TGFBRAP1: variants seen among roughly 807,000 people sequenced by gnomAD.
The protein encoded by TGFBRAP1 is transforming growth factor beta receptor associated protein 1, also known as transforming growth factor-beta receptor-associated protein 1.
A neutral mutation model predicts 83.2 loss-of-function variants in TGFBRAP1; 20 were observed. That is an observed-to-expected ratio of 0.24 (90% CI 0.17 to 0.35). The LOEUF (loss-of-function observed/expected upper bound fraction) is 0.35. Ranked by LOEUF, TGFBRAP1 falls within the 10% of genes least tolerant of loss-of-function variation. The probability of loss-of-function intolerance (pLI) is 1.00; values close to 1 mark genes in which losing one functional copy is unlikely to be tolerated. For synonymous variants in TGFBRAP1, 415 were observed against 459.8 expected, an observed-to-expected ratio of 0.90 and a Z score of 1.25; for missense variants, 950 against 1,099.4, an observed-to-expected ratio of 0.86 and a Z score of 1.92.
the TGFBRAP1 span, among the ~76,000 whole-genome samples, chr2:105,253,927 C>T: frequency 1.5e-4 from 23 of 152,012 alleles, no homozygotes; most frequent in African/African-American, 5.6e-4. Context: ...AACTTTGTGG[C>T]CCGGTTTTTA....
intron 2 of TGFBRAP1, among the ~76,000 whole-genome samples, chr2:105,299,951 C>T (rs978257630): frequency 6.6e-6 from 1 of 152,170 alleles, no homozygotes; most frequent in Admixed American, 6.5e-5. Context: ...GTGATAAAGT[C>T]TATTGTTTCT....
chr2:105,284,914 C>G (rs902756315), intron 4 of TGFBRAP1, among the ~76,000 whole-genome samples: 2 of 152,228 alleles, frequency 1.3e-5, no homozygotes, highest in Non-Finnish European at 2.9e-5. Flanking sequence ...ACATCCGACA[C>G]TCCTGCAATA....
At chr2:105,286,403 A>G (rs964383598) in intron 4 of TGFBRAP1, among the ~76,000 whole-genome samples, 3 of 152,150 alleles carry the variant, frequency 2.0e-5, no homozygotes, top group African/African-American at 7.2e-5. Context: ...ACTACGATCA[A>G]TGCCTCCTCC....
rs199795246 is a variant in TGFBRAP1, at chr2:105,308,118, T to G, written c.184A>C (p.Thr62Pro). Residue 62 changes from threonine to proline, a missense_variant, in exon 2 of 12, where the codon ACG becomes CCG. Coordinates refer to ENST00000393359, the MANE Select transcript of TGFBRAP1 (RefSeq NM_004257.6). ...TGCAGCTGTTTGGTGGCAGTGAACG[T>G]GGCTGGCCCAGCAGGCACTGGCCTC... ...EERPVPAGPA[T>P]FTATKQLQRH... The G allele has an allele frequency of 1.3e-4, 212 of 1,614,058 alleles. No homozygotes were observed. The highest frequency in any genetic ancestry group is 1.6e-4 in the Non-Finnish European group (189 of 1,180,036).
chr2:105,327,504 A>T (rs1679257365), intron 1 of TGFBRAP1, among the ~76,000 whole-genome samples: 1 of 152,104 alleles, frequency 6.6e-6, no homozygotes, highest in South Asian at 2.1e-4. Context: ...GGAGATCAAG[A>T]CTGCAGTGAG....
At chr2:105,285,048 C>T (rs1026018832) in intron 4 of TGFBRAP1, among the ~76,000 whole-genome samples, 2 of 152,206 alleles carry the variant, frequency 1.3e-5, no homozygotes, top group African/African-American at 2.4e-5. Flanking sequence ...TCTGATCCCA[C>T]GCCCCACTCC....
At chr2:105,250,778 C>T in the TGFBRAP1 span, among the ~76,000 whole-genome samples, 9 of 152,122 alleles carry the variant, frequency 5.9e-5, no homozygotes, top group African/African-American at 1.4e-4. Flanking sequence ...CTCAGCCTGC[C>T]GAGTGCCTGC....
the TGFBRAP1 span, among the ~76,000 whole-genome samples, chr2:105,250,983 T>C: frequency 2.6e-5 from 4 of 152,172 alleles, no homozygotes; most frequent in Non-Finnish European, 5.9e-5. Flanking sequence ...TGGAGTGCAG[T>C]GGCGTGATCT....
chr2:105,300,271 T>C (rs879630593), intron 2 of TGFBRAP1, among the ~76,000 whole-genome samples: 4 of 152,144 alleles, frequency 2.6e-5, no homozygotes, highest in Admixed American at 2.6e-4. Flanking sequence ...AATCTTTCAA[T>C]TTGCTTATAA....
intron 2 of TGFBRAP1, 47 bp downstream of exon 2, chr2:105,307,567 A>G: frequency 6.5e-7 from 1 of 1,548,096 alleles, no homozygotes; most frequent in South Asian, 1.2e-5. Context: ...ACACGCAGTC[A>G]CCGAGGCCAC....
intron 2 of TGFBRAP1, among the ~76,000 whole-genome samples, chr2:105,301,564 G>A (rs1678293826): frequency 6.6e-6 from 1 of 151,994 alleles, no homozygotes; most frequent in South Asian, 2.1e-4. Flanking sequence ...TCCAGCTTGG[G>A]CAACAGAGCT....
intron 8 of TGFBRAP1, among the ~76,000 whole-genome samples, chr2:105,274,888 C>T (rs1039657087): frequency 4.6e-5 from 7 of 152,176 alleles, no homozygotes; most frequent in African/African-American, 1.4e-4. Flanking sequence ...GCCATGGAAG[C>T]GTATACGTTT....
chr2:105,325,305 GGT>G (rs1248271493), intron 1 of TGFBRAP1, among the ~76,000 whole-genome samples: 2 of 152,128 alleles, frequency 1.3e-5, no homozygotes, highest in African/African-American at 4.8e-5. Context: ...AACTGGGTTT[GGT>G]GGGATACTGC....
chr2:105,328,236 C>T (rs1204951660), intron 1 of TGFBRAP1, among the ~76,000 whole-genome samples: 1 of 152,188 alleles, frequency 6.6e-6, no homozygotes, highest in Non-Finnish European at 1.5e-5. Context: ...CCACACTCCA[C>T]ATTCATTACC....
intron 2 of TGFBRAP1, among the ~76,000 whole-genome samples, chr2:105,301,213 C>A (rs1171048864): frequency 1.3e-5 from 2 of 151,774 alleles, no homozygotes; most frequent in African/African-American, 4.8e-5. Context: ...CAGAGAAATA[C>A]CCTGTCTCAA....
chr2:105,312,383 T>G (rs1678724313), intron 1 of TGFBRAP1, among the ~76,000 whole-genome samples: 2 of 152,164 alleles, frequency 1.3e-5, no homozygotes, highest in Admixed American at 6.5e-5. Context: ...CATTTTAATG[T>G]TTTCTTAAAA....
chr2:105,275,383 G>C (rs570147460), intron 8 of TGFBRAP1, among the ~76,000 whole-genome samples, 177 bp downstream of exon 8: 23 of 152,352 alleles, frequency 1.5e-4, no homozygotes, highest in African/African-American at 5.5e-4. Flanking sequence ...AACTGCCCTA[G>C]AGCTAGAATC....
In TGFBRAP1 at chr2:105,277,635, G is replaced by C; in HGVS notation, c.1500C>G (p.Asn500Lys). Residue 500 changes from asparagine (N) to lysine (K), a missense_variant, in exon 7 of 12, where the codon AAC (asparagine) becomes AAG (lysine). Coordinates refer to ENST00000393359, the MANE Select transcript of TGFBRAP1 (RefSeq NM_004257.6). Reference sequence around the variant, plus strand: ...TCACCTGAACTGCAGCAGCATCTTGGTTATTATAATGATAGAGCAGTCCAA... The same window carrying C: ...TCACCTGAACTGCAGCAGCATCTTGCTTATTATAATGATAGAGCAGTCCAA... ...FALGLLYHYNNQDAAAVQLWV... is the reference protein window; with the variant it reads ...FALGLLYHYNKQDAAAVQLWV... 1 of 1,614,110 alleles carries C rather than the reference G, an allele frequency of 6.2e-7. No individual in the cohort carries two copies. Among genetic ancestry groups the C allele is most frequent in the Middle Eastern group, 1.6e-4 (1 of 6,062 alleles).
chr2:105,319,044 A>T (rs1306930582), intron 1 of TGFBRAP1, among the ~76,000 whole-genome samples: 8 of 152,022 alleles, frequency 5.3e-5, no homozygotes, highest in Non-Finnish European at 1.0e-4. Flanking sequence ...GGAAGAATAA[A>T]CGTGGAATGA....
Sources: allele counts gnomAD v4.1 joint callset (sites outside exome capture counted in the v4.1 genomes callset), GRCh38; gene constraint gnomAD v4.1.1; transcripts MANE v1.5; gene names NCBI Gene and HGNC (gene_info 2026-07-23, HGNC 2026-07-21).